The following MYLK variants were observed in gnomAD, a reference collection of about 807,000 sequenced individuals.
The protein encoded by MYLK is myosin light chain kinase.
A neutral mutation model predicts 203.4 loss-of-function variants in MYLK; 106 were observed. That is an observed-to-expected ratio of 0.52 (90% CI 0.45 to 0.61). The LOEUF is 0.61. Ranked by LOEUF, MYLK falls within the 20% of genes least tolerant of loss-of-function variation. The pLI is 0.00. For missense variants in MYLK, 2,072 were observed against 2,442.3 expected (o/e 0.85, Z 3.20); for synonymous variants, 867 against 959.5 (o/e 0.90, Z 1.78).
At chr3:123,790,867 G>A (rs556596998) in intron 4 of MYLK, among the ~76,000 whole-genome samples, 13 of 152,288 alleles carry the variant, frequency 8.5e-5, no homozygotes, top group South Asian at 4.1e-4. Flanking sequence ...CACCGTGGGC[G>A]CAACTTCACG....
At chr3:123,787,614 G>A (rs1364715701) in intron 4 of MYLK, among the ~76,000 whole-genome samples, 1 of 152,158 alleles carries the variant, frequency 6.6e-6, no homozygotes, top group Non-Finnish European at 1.5e-5. Flanking sequence ...TCATGCGGCA[G>A]GAAGAACATG....
At chr3:123,656,254 G>A (rs1390072800) in intron 24 of MYLK, among the ~76,000 whole-genome samples, 1 of 152,198 alleles carries the variant, frequency 6.6e-6, no homozygotes, top group East Asian at 1.9e-4. Context: ...GAAGCTCCCA[G>A]GATGCCAAGG....
At chr3:123,647,875 A>G (rs1337742109) in intron 26 of MYLK, among the ~76,000 whole-genome samples, 2 of 152,098 alleles carry the variant, frequency 1.3e-5, no homozygotes, top group South Asian at 4.1e-4. Context: ...TCTAATGTTG[A>G]CAAGCCTACT....
chr3:123,666,909 G>A lies in MYLK; in HGVS notation c.3703+228C>T, dbSNP rs544664498. 4.0e-4 allele frequency: 247 copies of A among 610,992 alleles called. 1 individual carries two copies. Among genetic ancestry groups the A allele is most frequent in the Middle Eastern group, 3.0e-3 (7 of 2,306 alleles). The allele number at this position is 610,992 out of a possible 1,614,324, so 37.8% of individuals were successfully genotyped here. ...CTGTATGATGCTGTCAACATGGGAG[G>A]CAGATGGAAAGACAAAGCTGTGGAA... On this transcript the variant is annotated intron_variant, in intron 21 of 33. Transcript: ENST00000360304.
chr3:123,738,473 A>AC (rs2062753139), intron 7 of MYLK, among the ~76,000 whole-genome samples: 1 of 152,108 alleles, frequency 6.6e-6, no homozygotes, highest in Non-Finnish European at 1.5e-5. Flanking sequence ...GAAGGGTCTA[A>AC]CCCTGAATTT....
At chr3:123,701,238 A>T (rs1237230354) in intron 17 of MYLK, among the ~76,000 whole-genome samples, 200 bp downstream of exon 17, 1 of 7,564 alleles carries the variant, frequency 1.3e-4, no homozygotes, top group African/African-American at 1.4e-4. Context: ...GGGTGTGTGC[A>T]AAAAAAAAAA....
At chr3:123,801,652 T>C (rs1190680953) in intron 3 of MYLK, among the ~76,000 whole-genome samples, 1 of 152,202 alleles carries the variant, frequency 6.6e-6, no homozygotes, top group Non-Finnish European at 1.5e-5. Context: ...ATGTTTAGCT[T>C]CCACTTACAA....
At chr3:123,793,545 C>T (rs975375897) in intron 4 of MYLK, 132 bp downstream of exon 4, 16 of 960,638 alleles carry the variant, frequency 1.7e-5, no homozygotes, top group Admixed American at 2.6e-5. Flanking sequence ...GGCACAGGTT[C>T]GTTTTACATG....
At position 123,666,207 on chromosome 3, in the gene MYLK, A is replaced by AC; in HGVS notation, c.3831+11dup. On this transcript the variant is annotated intron_variant, in intron 22 of 33. Transcript: ENST00000360304. Reference sequence around the variant, plus strand: ...CCAGCACCCCCAGTGCCCACCCCATACCGTCACTGACCTGCTTTCGGAACT... The same window carrying AC: ...CCAGCACCCCCAGTGCCCACCCCATACCCGTCACTGACCTGCTTTCGGAACT... 1 of 1,614,004 alleles carries AC rather than the reference A, an allele frequency of 6.2e-7. No individual in the cohort carries two copies. Among genetic ancestry groups the AC allele is most frequent in the Non-Finnish European group, 8.5e-7 (1 of 1,179,984 alleles).
chr3:123,623,300 A>T (rs1295321420), intron 31 of MYLK: 2 of 152,156 alleles, frequency 1.3e-5, no homozygotes, highest in African/African-American at 2.4e-5. Context: ...GTTCCCAGAA[A>T]ATAAAGATGG....
chr3:123,653,866 A>G (rs1217037254), intron 24 of MYLK, among the ~76,000 whole-genome samples: 1 of 152,124 alleles, frequency 6.6e-6, no homozygotes, highest in Non-Finnish European at 1.5e-5. Flanking sequence ...TCACACTGCA[A>G]TCTTACTCCT....
At chr3:123,672,173 G>A (rs557715661) in intron 20 of MYLK, among the ~76,000 whole-genome samples, 5 of 150,840 alleles carry the variant, frequency 3.3e-5, no homozygotes, top group Admixed American at 1.3e-4. Context: ...CTTATAAGAA[G>A]AGATTAGGAA....
At chr3:123,822,393 C>A (rs188857014) in intron 3 of MYLK, among the ~76,000 whole-genome samples, 6 of 152,244 alleles carry the variant, frequency 3.9e-5, no homozygotes, top group Admixed American at 3.3e-4. Context: ...TAGAATTACT[C>A]CCCAGACACA....
chr3:123,685,612 G>GAAAAAAAAAA (rs59215456), intron 19 of MYLK, among the ~76,000 whole-genome samples: 40 of 112,410 alleles, frequency 3.6e-4, no homozygotes, highest in Non-Finnish European at 4.2e-4. Flanking sequence ...TCCAAAAAAT[G>GAAAAAAAAAA]AAAAAAAAAA....
chr3:123,737,175 T>C (rs1045429159), intron 8 of MYLK: 2 of 591,984 alleles, frequency 3.4e-6, no homozygotes, highest in African/African-American at 1.9e-5. Flanking sequence ...GCTGAGGTCA[T>C]GTCACTGCAC....
At position 123,770,156 on chromosome 3, in the gene MYLK, C is replaced by CAAA. The variant is rs59411359; in HGVS notation, c.166-17621_166-17619dup. On this transcript the variant is annotated intron_variant, in intron 4 of 33. Coordinates refer to ENST00000360304, the MANE Select transcript of MYLK (RefSeq NM_053025.4). ...TGAAACCCTGTCTCTACTAAAAATACAAAAAAAAAAAAAAAAAATTAGCTG... is the reference window on the plus strand; with the variant it reads ...TGAAACCCTGTCTCTACTAAAAATACAAAAAAAAAAAAAAAAAAAAATTAGCTG... Among the ~76,000 whole-genome samples, 666 of 83,920 alleles carry CAAA rather than the reference C, an allele frequency of 7.9e-3. 7 individuals carry two copies. The highest frequency in any genetic ancestry group is 0.02 in the African/African-American group (635 of 32,088). 55.1% of individuals were successfully genotyped at this position (83,920 alleles called of 152,430 possible).
intron 30 of MYLK, 43 bp from the exon 31 acceptor site, chr3:123,626,984 C>T (rs1211357819): frequency 4.3e-6 from 7 of 1,612,646 alleles, no homozygotes; most frequent in Admixed American, 1.7e-5. Flanking sequence ...CAGGAGGAGA[C>T]CTCAGAGACC....
chr3:123,725,029 C>T (rs1178777273), intron 12 of MYLK, among the ~76,000 whole-genome samples: 2 of 152,120 alleles, frequency 1.3e-5, no homozygotes, highest in African/African-American at 2.4e-5. Flanking sequence ...AGGCATGAGC[C>T]ACCACACCTG....
intron 3 of MYLK, among the ~76,000 whole-genome samples, chr3:123,807,588 G>A (rs899043796): frequency 6.6e-6 from 1 of 152,180 alleles, no homozygotes; most frequent in African/African-American, 2.4e-5. Context: ...CCCTTGCCCA[G>A]GGAAAACCCT....
Sources: gnomAD v4.1 joint callset for allele counts (sites outside exome capture counted in the v4.1 genomes callset) on GRCh38, gnomAD v4.1.1 for gene constraint, MANE v1.5 for transcripts, NCBI Gene and HGNC (gene_info 2026-07-23, HGNC 2026-07-21) for gene names.